HMCN2: variants seen among roughly 807,000 people sequenced by gnomAD.
The protein encoded by HMCN2 is hemicentin 2, also known as hemicentin-2.
HMCN2 carries 325 observed loss-of-function variants against 377.5 expected under a neutral mutation model. The observed-to-expected ratio is 0.86, with a 90% CI of 0.79 to 0.94. The LOEUF (loss-of-function observed/expected upper bound fraction) is 0.94, where lower values mean the gene tolerates loss of function less well. Ranked by LOEUF, HMCN2 falls within the 40% of genes least tolerant of loss-of-function variation. HMCN2 has a pLI of 0.00. For synonymous variants in HMCN2, 2,007 were observed against 2,046.8 expected (o/e 0.98, Z 0.53); for missense variants, 4,543 against 4,725.3 (o/e 0.96, Z 1.13).
chr9:130,407,847 G>T, intron 83 of HMCN2, 142 bp downstream of exon 83: 1 of 556,972 alleles, frequency 1.8e-6, no homozygotes, highest in Non-Finnish European at 2.5e-6. Context: ...TCCCCTGGGG[G>T]ACTTTAAATT....
In HMCN2 at chr9:130,391,994, G is replaced by A. The variant is rs570312623; in HGVS notation, c.10012G>A (p.Glu3338Lys). The A allele has an allele frequency of 3.9e-5, 39 of 988,310 alleles. No homozygotes were observed. Among genetic ancestry groups the A allele is most frequent in the Admixed American group, 3.1e-4 (5 of 16,302 alleles). 61.2% of individuals were successfully genotyped at this position (988,310 alleles called of 1,614,324 possible). A position where few individuals can be genotyped will look rare whatever the true frequency, so the allele number is the denominator to read the frequency against. ...GSGTLVSRPGELVTMVCPVRG... is the reference protein window; with the variant it reads ...GSGTLVSRPGKLVTMVCPVRG... ...GGGGACCCTGGTGAGCAGGCCTGGG[G>A]AGCTGGTGACCATGGTGTGCCCTGT... Residue 3338 changes from glutamate to lysine, a missense_variant, in exon 66 of 98, where the codon GAG becomes AAG. By Grantham distance (56) the Glu-to-Lys change is moderately conservative (BLOSUM62 1). Around this residue, in one of 5 missense-constraint regions of HMCN2, gnomAD observed 1,073 missense variants for 1,319.5 expected, o/e 0.81. Coordinates refer to ENST00000683500, the MANE Select transcript of HMCN2 (RefSeq NM_001291815.2).
chr9:130,406,163 T>A lies in HMCN2; in HGVS notation c.12548T>A (p.Val4183Asp). 2 of 1,289,732 alleles carry A rather than the reference T, an allele frequency of 1.6e-6. No individual in the cohort carries two copies. The highest frequency in any genetic ancestry group is 2.0e-6 in the Non-Finnish European group (2 of 988,844). The allele number at this position is 1,289,732 out of a possible 1,614,324, so 79.9% of individuals were successfully genotyped here. ...RIGWTVNDRP[V>D]TEGVSEQDGG... is the part of the protein sequence containing the mutation. ...GGCTGGACTGTCAACGACCGGCCAG[T>A]CACAGGTCTGGGTCTGCTGGGCATG... is the stretch of plus-strand genomic sequence containing the variant. Residue 4183 changes from valine to aspartate, a missense_variant, in exon 82 of 98, where the codon GTC becomes GAC. This residue lies in a region of HMCN2 where 1,073 missense variants were observed against 1,319.5 expected (regional missense o/e 0.81). Transcript: ENST00000683500.
intron 90 of HMCN2, among the ~76,000 whole-genome samples, chr9:130,427,028 G>A (rs573971910): frequency 9.5e-4 from 144 of 152,328 alleles, no homozygotes; most frequent in African/African-American, 2.3e-3. Flanking sequence ...CGTTTTGCAC[G>A]TGTTGACCTC....
chr9:130,410,601 G>A lies in HMCN2; in HGVS notation c.12910G>A (p.Ala4304Thr). 1 of 1,550,624 alleles carries A rather than the reference G, an allele frequency of 6.4e-7. No individual in the cohort carries two copies. Among genetic ancestry groups the A allele is most frequent in the Non-Finnish European group, 8.7e-7 (1 of 1,147,012 alleles). The change falls in exon 85 of 98, where the codon GCA (alanine) becomes ACA (threonine). Residue 4304 changes from alanine (A) to threonine (T), a missense_variant. Ala to Thr is a moderately conservative substitution (Grantham distance 58). This residue lies in a region of HMCN2 where 1,155 missense variants were observed against 1,157.7 expected (regional missense o/e 1.00). Coordinates refer to ENST00000683500, the MANE Select transcript of HMCN2 (RefSeq NM_001291815.2). ...RDDAGRYQCL[A>T]ENEMGVAKKV... ...CGATGCGGGACGGTACCAGTGCCTGGCAGAGAATGAGATGGGCGTGGCGAA... is the reference window on the plus strand; with the variant it reads ...CGATGCGGGACGGTACCAGTGCCTGACAGAGAATGAGATGGGCGTGGCGAA...
At chr9:130,346,767 C>T (rs1839413848) in intron 25 of HMCN2, among the ~76,000 whole-genome samples, 1 of 152,020 alleles carries the variant, frequency 6.6e-6, no homozygotes, top group Non-Finnish European at 1.5e-5. Flanking sequence ...ACAACAGAGA[C>T]CTGGAGCATA....
At chr9:130,391,691 T>TGGAGGC in intron 65 of HMCN2, 117 bp downstream of exon 65, 4 of 880,490 alleles carry the variant, frequency 4.5e-6, no homozygotes, top group Non-Finnish European at 4.1e-6. Flanking sequence ...TCCCTGGGCC[T>TGGAGGC]CCATGGCCCA....
At position 130,422,973 on chromosome 9, in the gene HMCN2, A is replaced by G. The variant is rs1220230687; in HGVS notation, c.13381+247A>G. Among the ~76,000 whole-genome samples the G allele has an allele frequency of 6.6e-6, 1 of 152,178 alleles. No individual in the cohort carries two copies. Among genetic ancestry groups the G allele is most frequent in the African/African-American group, 2.4e-5 (1 of 41,444 alleles). On this transcript the variant is annotated intron_variant, in intron 87 of 97. Coordinates refer to ENST00000683500, the MANE Select transcript of HMCN2 (RefSeq NM_001291815.2). The surrounding 1 kb of genome is among the most constrained non-coding windows in gnomAD (Gnocchi z 4.2). ...AAGGAACTGCATTTACAGTCAGACCAAGAGTGTGTGAAACGGTCAGTGTTC... is the reference window on the plus strand; with the variant it reads ...AAGGAACTGCATTTACAGTCAGACCGAGAGTGTGTGAAACGGTCAGTGTTC...
chr9:130,294,818 G>A (rs782778805), intron 4 of HMCN2, 37 bp from the exon 5 acceptor site: 4 of 387,050 alleles, frequency 1.0e-5, no homozygotes, highest in South Asian at 5.8e-5. Context: ...GACATTGTGG[G>A]CACCTGCCGG....
rs1282533136 is a variant in HMCN2, at chr9:130,277,997, CCACCACCACCATCATCAT to C, written c.260-6594_260-6577del. 2.7e-5 allele frequency among the ~76,000 whole-genome samples: 2 copies of C among 73,000 alleles called. 1 individual carries two copies. The highest frequency in any genetic ancestry group is 5.8e-5 in the Non-Finnish European group (2 of 34,514). 47.9% of individuals were successfully genotyped at this position (73,000 alleles called of 152,430 possible). On this transcript the variant is annotated intron_variant, in intron 1 of 97. Transcript: ENST00000683500. ...ATCATCACCACCACCACGATCATCA[CCACCACCACCATCATCAT>C]CACCACCACCACGATCATCACCACC...
intron 75 of HMCN2, among the ~76,000 whole-genome samples, chr9:130,399,169 C>T (rs999847193): frequency 2.0e-5 from 3 of 151,302 alleles, no homozygotes; most frequent in African/African-American, 7.3e-5. Flanking sequence ...GGGAGGATCC[C>T]CTGAGCCTGG....
chr9:130,426,277 C>T (rs913675332), intron 90 of HMCN2, among the ~76,000 whole-genome samples: 1 of 152,214 alleles, frequency 6.6e-6, no homozygotes, highest in Non-Finnish European at 1.5e-5. Flanking sequence ...ACCCAAGGAG[C>T]CAGGAACCAC....
At chr9:130,384,654 G>A (rs1235669831) in intron 58 of HMCN2, 31 bp from the exon 59 acceptor site, 3 of 1,301,396 alleles carry the variant, frequency 2.3e-6, no homozygotes, top group South Asian at 1.2e-5. Context: ...GGGCTGGAAT[G>A]CTGGTGTGAG....
intron 4 of HMCN2, among the ~76,000 whole-genome samples, chr9:130,294,383 C>A (rs183189915): frequency 3.3e-5 from 5 of 152,302 alleles, no homozygotes. Context: ...GGAAAGAGAC[C>A]TGAAGTCTTT....
intron 4 of HMCN2, 54 bp downstream of exon 4, chr9:130,286,364 G>A: frequency 4.3e-6 from 2 of 464,710 alleles, no homozygotes; most frequent in Non-Finnish European, 8.9e-6. Flanking sequence ...GCACGGTGAG[G>A]ACACTGACCA....
At chr9:130,409,338 T>C (rs1020193134) in intron 84 of HMCN2, among the ~76,000 whole-genome samples, 1 of 152,148 alleles carries the variant, frequency 6.6e-6, no homozygotes, top group Non-Finnish European at 1.5e-5. Context: ...CCACAACCAA[T>C]AAGTGCAGGA....
At chr9:130,426,044 CTT>C in intron 90 of HMCN2, 120 bp downstream of exon 90, 1 of 773,932 alleles carries the variant, frequency 1.3e-6, no homozygotes, top group Non-Finnish European at 2.1e-6. Context: ...GGGCCAGAGA[CTT>C]CAGACTGAGA....
chr9:130,356,065 GC>G, intron 33 of HMCN2, 22 bp from the exon 34 acceptor site: 4 of 1,239,920 alleles, frequency 3.2e-6, no homozygotes, highest in African/African-American at 1.6e-5. Context: ...AGGTTGACAC[GC>G]CCCCCTCCCT....
intron 86 of HMCN2, among the ~76,000 whole-genome samples, chr9:130,420,836 G>A (rs1843965658): frequency 6.6e-6 from 1 of 152,098 alleles, no homozygotes; most frequent in Non-Finnish European, 1.5e-5. Context: ...CTGAGGTCCT[G>A]GGGGTTAAGA....
In HMCN2 at chr9:130,390,973, A is replaced by G. The variant is rs1027833564; in HGVS notation, c.9524-4A>G. 7.1e-6 allele frequency: 7 copies of G among 986,852 alleles called. No individual in the cohort carries two copies. The African/African-American group carries it at 1.2e-4, about 17-fold the overall frequency. 61.1% of individuals were successfully genotyped at this position (986,852 alleles called of 1,614,324 possible). A position where few individuals can be genotyped will look rare whatever the true frequency, so the allele number is the denominator to read the frequency against. On this transcript the variant is annotated splice_region_variant and splice_polypyrimidine_tract_variant and intron_variant, in intron 62 of 97. Coordinates refer to ENST00000683500, the MANE Select transcript of HMCN2 (RefSeq NM_001291815.2). ...GGGATTCAGGGGACCCCTCTGTCCC[A>G]CAGAGAGCAGCGCGGTGCACGGTGT...
Sources: gnomAD v4.1 joint callset for allele counts (sites outside exome capture counted in the v4.1 genomes callset) on GRCh38, gnomAD v4.1.1 for gene constraint, gnomAD v4.1.1 regional missense constraint, Gnocchi (gnomAD v3.1) non-coding constraint, MANE v1.5 for transcripts, NCBI Gene and HGNC (gene_info 2026-07-23, HGNC 2026-07-21) for gene names.